Variants in RAD54B observed in about 807,000 individuals in gnomAD.
RAD54B encodes RAD54 homolog B, also known as DNA repair and recombination protein RAD54B.
Under a neutral mutation model 95.8 loss-of-function variants are expected in RAD54B, and 78 were observed. The observed-to-expected ratio is 0.81, with a 90% confidence interval of 0.68 to 0.98. RAD54B has a LOEUF of 0.98. Among genes scored for constraint, RAD54B ranks in the 50% least tolerant of loss-of-function variants. The pLI is 0.00. For synonymous variants in RAD54B, 328 were observed against 354.9 expected (o/e 0.92, Z 0.85); for missense variants, 957 against 1,056.6 (o/e 0.91, Z 1.31).
intron 3 of RAD54B, among the ~76,000 whole-genome samples, chr8:94,447,660 C>A (rs921639733): frequency 2.6e-5 from 4 of 152,146 alleles, no homozygotes; most frequent in African/African-American, 9.7e-5. Context: ...ATTAGAAAAA[C>A]CCCTGGTCAC....
At position 94,390,138 on chromosome 8, in the gene RAD54B, G is replaced by A. The variant is rs1024645778; in HGVS notation, c.1809+1471C>T. Among the ~76,000 whole-genome samples, 5 of 151,980 alleles carry A rather than the reference G, an allele frequency of 3.3e-5. No individual in the cohort carries two copies. In the East Asian group the frequency reaches 7.7e-4, roughly 23 times the overall value. On this transcript the variant is annotated intron_variant, in intron 10 of 14. Transcript: ENST00000336148. Reference sequence around the variant, plus strand: ...GAGGATCACTTGAGCTCAGGAGTTCGAGACCAGCCTGGGCAATAGAGTGAG... The same window carrying A: ...GAGGATCACTTGAGCTCAGGAGTTCAAGACCAGCCTGGGCAATAGAGTGAG...
intron 9 of RAD54B, chr8:94,393,391 G>A: frequency 5.1e-6 from 1 of 197,216 alleles, no homozygotes; most frequent in Non-Finnish European, 1.0e-5. Flanking sequence ...GATACTCCAG[G>A]AGTTCAAGGC....
intron 2 of RAD54B, among the ~76,000 whole-genome samples, chr8:94,461,922 C>T (rs889863333): frequency 3.3e-5 from 5 of 152,290 alleles, no homozygotes; most frequent in Middle Eastern, 6.8e-3. Context: ...GGTCACTTAT[C>T]GCAATAACGT....
At chr8:94,379,562 T>C (rs1035617815) in intron 12 of RAD54B, among the ~76,000 whole-genome samples, 1 of 152,160 alleles carries the variant, frequency 6.6e-6, no homozygotes, top group Non-Finnish European at 1.5e-5. Context: ...TAACTGTGAG[T>C]ATAGCTGCTT....
chr8:94,377,385 A>G (rs1810607380), intron 14 of RAD54B, among the ~76,000 whole-genome samples: 2 of 151,396 alleles, frequency 1.3e-5, no homozygotes, highest in Admixed American at 6.6e-5. Flanking sequence ...AAAATACAAA[A>G]ATTAGCCAGG....
At position 94,467,436 on chromosome 8, in the gene RAD54B, G is replaced by T. The variant is rs1369048461; in HGVS notation, c.104C>A (p.Thr35Lys). 6.2e-7 allele frequency: 1 copy of T among 1,611,130 alleles called. No individual in the cohort carries two copies. Among genetic ancestry groups the T allele is most frequent in the Non-Finnish European group, 8.5e-7 (1 of 1,178,924 alleles). ...RSNPGLNEEI[T>K]KLNPDIKLFE... ...TAATTTTATATCTGGATTCAGTTTTGTAATCTCTTCATTCAGACCTGGATT... is the reference window on the plus strand; with the variant it reads ...TAATTTTATATCTGGATTCAGTTTTTTAATCTCTTCATTCAGACCTGGATT... The change falls in exon 2 of 15, where the codon ACA becomes AAA. Residue 35 changes from threonine (T) to lysine (K), a missense_variant. By Grantham distance (78) the Thr-to-Lys change is moderately conservative (BLOSUM62 -1). Transcript: ENST00000336148.
chr8:94,430,728 T>G, intron 3 of RAD54B: 1 of 955,952 alleles, frequency 1.0e-6, no homozygotes, highest in South Asian at 4.8e-5. Context: ...TTTGTGTTAT[T>G]TGCAAACATT....
chr8:94,447,031 T>C (rs1812538824), intron 3 of RAD54B, among the ~76,000 whole-genome samples: 1 of 151,744 alleles, frequency 6.6e-6, no homozygotes, highest in African/African-American at 2.4e-5. Flanking sequence ...GTAAATCCAA[T>C]CTCTAAGAGT....
intron 3 of RAD54B, among the ~76,000 whole-genome samples, chr8:94,443,855 T>C (rs1354796655): frequency 6.6e-6 from 1 of 151,972 alleles, no homozygotes; most frequent in Non-Finnish European, 1.5e-5. Flanking sequence ...ACATTTTTGG[T>C]TAATATACTG....
chr8:94,468,942 T>C (rs967095102), intron 1 of RAD54B, among the ~76,000 whole-genome samples: 5 of 151,648 alleles, frequency 3.3e-5, no homozygotes, highest in Admixed American at 1.3e-4. Flanking sequence ...CTGGGCAACA[T>C]AGCAGCAAGA....
intron 5 of RAD54B, among the ~76,000 whole-genome samples, chr8:94,407,037 C>G (rs1811406353): frequency 6.6e-6 from 1 of 152,072 alleles, no homozygotes; most frequent in Admixed American, 6.5e-5. Context: ...TTTTTACACA[C>G]TAATGCTTGT....
intron 3 of RAD54B, chr8:94,428,238 AT>A: frequency 1.2e-5 from 11 of 924,216 alleles, no homozygotes; most frequent in Non-Finnish European, 1.4e-5. Flanking sequence ...TCAAGTCTAC[AT>A]TTAAAAAACA....
intron 6 of RAD54B, 147 bp from the exon 7 acceptor site, chr8:94,400,610 C>A: frequency 1.6e-6 from 1 of 626,044 alleles, no homozygotes; most frequent in East Asian, 2.8e-5. Flanking sequence ...TCTTTTGCAT[C>A]TTTGATAATT....
chr8:94,374,697 G>C (rs1045179282), intron 14 of RAD54B, among the ~76,000 whole-genome samples: 2 of 151,884 alleles, frequency 1.3e-5, no homozygotes, highest in African/African-American at 4.8e-5. Flanking sequence ...CAATAAAATA[G>C]AGAAACCATA....
At chr8:94,445,679 G>GA (rs2130145994) in intron 3 of RAD54B, among the ~76,000 whole-genome samples, 1 of 152,080 alleles carries the variant, frequency 6.6e-6, no homozygotes, top group East Asian at 1.9e-4. Flanking sequence ...TTTATGAAAA[G>GA]AATGTATTTA....
Position 94,404,184 on chromosome 8 carries a change from G to C in RAD54B, c.837C>G (p.Asn279Lys), listed in dbSNP as rs1465362258. ...TCACTACATCCACAAGAGGGAAACA[G>C]TTCTTATTGAATACCCACTGGTGAT... ...DKNHQWVFNK[N>K]CFPLVDVVID... The change falls in exon 6 of 15, where the codon AAC becomes AAG. Residue 279 changes from asparagine (N) to lysine (K), a missense_variant. Coordinates refer to ENST00000336148, the MANE Select transcript of RAD54B (RefSeq NM_012415.3). 6.2e-7 allele frequency: 1 copy of C among 1,611,754 alleles called. No homozygotes were observed. The highest frequency in any genetic ancestry group is 8.5e-7 in the Non-Finnish European group (1 of 1,178,658).
In RAD54B at chr8:94,460,563, C is replaced by CT. The variant is rs1342051206; in HGVS notation, c.136-2128dup. Among the ~76,000 whole-genome samples, 15 of 152,158 alleles carry CT rather than the reference C, an allele frequency of 9.9e-5. No homozygotes were observed. In the South Asian group the frequency reaches 1.0e-3, roughly 11 times the overall value. ...GGAAGTTCATTATGTGCTATTTTCT[C>CT]TTTTTTTTGTATATGTATGGGTTTT... On this transcript the variant is annotated intron_variant, in intron 2 of 14. Transcript: ENST00000336148.
chr8:94,404,567 G>T (rs965707685), intron 5 of RAD54B, among the ~76,000 whole-genome samples: 1 of 152,178 alleles, frequency 6.6e-6, no homozygotes, highest in African/African-American at 2.4e-5. Flanking sequence ...AGAGCAAAGA[G>T]AACTATTTCC....
intron 3 of RAD54B, among the ~76,000 whole-genome samples, chr8:94,432,878 T>G (rs1338099915): frequency 6.6e-6 from 1 of 152,114 alleles, no homozygotes; most frequent in Non-Finnish European, 1.5e-5. Flanking sequence ...ACTTTAAAAT[T>G]GTGCTTTAAA....
Sources: gnomAD v4.1 joint callset for allele counts (sites outside exome capture counted in the v4.1 genomes callset) on GRCh38, gnomAD v4.1.1 for gene constraint, MANE v1.5 for transcripts, NCBI Gene and HGNC (gene_info 2026-07-23, HGNC 2026-07-21) for gene names.